PAH: variants seen among roughly 807,000 people sequenced by gnomAD.
PAH encodes phenylalanine-4-hydroxylase.
In PAH, 64 loss-of-function variants were observed where a neutral mutation model predicts 62.0. The ratio of observed to expected loss-of-function variants is 1.03; its 90% CI spans 0.84 to 1.27. The LOEUF (loss-of-function observed/expected upper bound fraction) is 1.27, where lower values mean the gene tolerates loss of function less well. Among genes scored for constraint, PAH ranks in the 50% most tolerant of loss-of-function variants. PAH has a pLI of 0.00. For synonymous variants in PAH, 195 were observed against 196.2 expected, an observed-to-expected ratio of 0.99 and a Z score of 0.05; for missense variants, 579 against 542.8, an observed-to-expected ratio of 1.07 and a Z score of -0.66.
chr12:102,894,803 A>G lies in PAH; in HGVS notation c.284T>C (p.Ile95Thr). 19 of 1,613,946 alleles carry G rather than the reference A, an allele frequency of 1.2e-5. No individual in the cohort carries two copies. Among genetic ancestry groups the G allele is most frequent in the Non-Finnish European group, 1.5e-5 (18 of 1,179,910 alleles). Residue 95 changes from isoleucine (I) to threonine (T), a missense_variant, in exon 3 of 13, where the codon ATC becomes ACC. Coordinates refer to ENST00000553106, the MANE Select transcript of PAH (RefSeq NM_000277.3). ...ACCAATGTCATGCCTCAAGATCTTG[A>G]TGATGTTTGTCAGAGCAGGCAGGCT... ...KRSLPALTNI[I>T]KILRHDIGAT...
At chr12:102,877,289 T>C (rs1876608104) in intron 4 of PAH, 173 bp downstream of exon 4, 2 of 675,356 alleles carry the variant, frequency 3.0e-6, no homozygotes, top group Non-Finnish European at 5.4e-6. Context: ...ATGATAATGA[T>C]GATGACAATA....
At chr12:102,875,618 G>C (rs1272060841) in intron 4 of PAH, among the ~76,000 whole-genome samples, 1 of 152,158 alleles carries the variant, frequency 6.6e-6, no homozygotes, top group Non-Finnish European at 1.5e-5. Flanking sequence ...GGGCTCCTGG[G>C]AGTAGGCTAC....
At chr12:102,847,082 GT>G in intron 8 of PAH, 131 bp from the exon 9 acceptor site, 1 of 739,956 alleles carries the variant, frequency 1.4e-6, no homozygotes, top group South Asian at 1.5e-5. Flanking sequence ...CCCTGAGTGT[GT>G]TATCAAGTCT....
intron 4 of PAH, among the ~76,000 whole-genome samples, chr12:102,871,297 G>A (rs1324256037): frequency 6.6e-6 from 1 of 152,094 alleles, no homozygotes; most frequent in Non-Finnish European, 1.5e-5. Flanking sequence ...GACTCACTCT[G>A]GCCTTCCTAT....
At chr12:102,933,037 G>A (rs1045903381) in intron 1 of PAH, among the ~76,000 whole-genome samples, 3 of 152,052 alleles carry the variant, frequency 2.0e-5, no homozygotes, top group African/African-American at 4.8e-5. Context: ...ATTGACTATA[G>A]TCACTCTGTT....
intron 1 of PAH, among the ~76,000 whole-genome samples, chr12:102,935,437 T>C (rs78195471): frequency 0.032 from 4,904 of 152,174 alleles, 276 homozygotes; most frequent in African/African-American, 0.11. Context: ...CTCCCTTCAC[T>C]TCTATTTGTC....
chr12:102,939,249 T>C (rs1013918078), intron 1 of PAH, among the ~76,000 whole-genome samples: 4 of 152,222 alleles, frequency 2.6e-5, no homozygotes, highest in African/African-American at 9.6e-5. Context: ...CCATTGCCAC[T>C]GCTACCTTCT....
chr12:102,943,180 A>G (rs1194919501), intron 1 of PAH, among the ~76,000 whole-genome samples: 1 of 152,196 alleles, frequency 6.6e-6, no homozygotes, highest in Non-Finnish European at 1.5e-5. Context: ...CGCATCCAAC[A>G]AAGGTCTAAT....
chr12:102,921,143 G>A (rs995287109), upstream of PAH, among the ~76,000 whole-genome samples: 3 of 152,142 alleles, frequency 2.0e-5, no homozygotes, highest in Admixed American at 1.3e-4. Flanking sequence ...CAACCAGCAG[G>A]CAAAAGAGTT....
intron 1 of PAH, among the ~76,000 whole-genome samples, chr12:102,939,149 G>A (rs1287424903): frequency 6.6e-6 from 1 of 151,894 alleles, no homozygotes; most frequent in African/African-American, 2.4e-5. Context: ...GGCCTGCAGA[G>A]TAACTATCCC....
chr12:102,908,150 A>G (rs1878052704), intron 2 of PAH, among the ~76,000 whole-genome samples: 2 of 151,902 alleles, frequency 1.3e-5, no homozygotes, highest in African/African-American at 4.8e-5. Flanking sequence ...ATTCTGGATA[A>G]TGCTTCAGAG....
chr12:102,950,777 C>T (rs1879723412), exon 1 of PAH: 1 of 152,230 alleles, frequency 6.6e-6, no homozygotes, highest in Admixed American at 6.5e-5. Context: ...GCGTTAAAGC[C>T]CTTCCTCGCG....
At position 102,928,998 on chromosome 12, in the gene PAH, G is replaced by C. The variant is rs556465219; in HGVS notation, c.-95-11773C>G. Among the ~76,000 whole-genome samples the C allele has an allele frequency of 8.5e-5, 13 of 152,268 alleles. No homozygotes were observed. The South Asian group carries it at 2.5e-3, about 29-fold the overall frequency. On this transcript the variant is annotated intron_variant, in intron 1 of 3. Transcript: ENST00000546844. ...GGCGTTCTCATGCCCCCATGCTGCT[G>C]TTCTCATGGTAATAAATGAGTTTTC... is the stretch of plus-strand genomic sequence containing the variant.
chr12:102,855,099 A>C, intron 6 of PAH, 37 bp downstream of exon 6: 3 of 1,561,026 alleles, frequency 1.9e-6, no homozygotes, highest in Non-Finnish European at 2.7e-6. Flanking sequence ...TCCTCCCCCA[A>C]CTTTCTGCAG....
At chr12:102,942,144 T>C (rs1214812835) in intron 1 of PAH, among the ~76,000 whole-genome samples, 5 of 152,140 alleles carry the variant, frequency 3.3e-5, no homozygotes, top group Non-Finnish European at 7.4e-5. Flanking sequence ...TCTTCATAGA[T>C]GTTATGATCC....
intron 2 of PAH, among the ~76,000 whole-genome samples, chr12:102,910,339 G>A (rs922175140): frequency 4.6e-5 from 7 of 151,926 alleles, no homozygotes; most frequent in Non-Finnish European, 8.8e-5. Context: ...TCACACTTGG[G>A]GTTTCATGTT....
chr12:102,955,988 GC>G (rs1284320589), intron 1 of PAH, among the ~76,000 whole-genome samples: 1 of 152,098 alleles, frequency 6.6e-6, no homozygotes, highest in Non-Finnish European at 1.5e-5. Flanking sequence ...TTCGGGAGCC[GC>G]CCGTCATTAC....
At chr12:102,942,586 A>G (rs1224472717) in intron 1 of PAH, among the ~76,000 whole-genome samples, 1 of 152,136 alleles carries the variant, frequency 6.6e-6, no homozygotes, top group Non-Finnish European at 1.5e-5. Context: ...ATATGAAACC[A>G]AAAAAGAACC....
chr12:102,879,042 A>G (rs1048504046), intron 3 of PAH, among the ~76,000 whole-genome samples: 1 of 152,124 alleles, frequency 6.6e-6, no homozygotes, highest in Non-Finnish European at 1.5e-5. Flanking sequence ...GAAGATGCTG[A>G]ACTTCCAATC....
Sources: allele counts gnomAD v4.1 joint callset (sites outside exome capture counted in the v4.1 genomes callset), GRCh38; gene constraint gnomAD v4.1.1; transcripts MANE v1.5; gene names NCBI Gene and HGNC (gene_info 2026-07-23, HGNC 2026-07-21).